OTUD7B: variants seen among roughly 807,000 people sequenced by gnomAD.
OTUD7B encodes the protein OTU domain-containing protein 7B.
In OTUD7B, 34 loss-of-function variants were observed where a neutral mutation model predicts 82.2. The ratio of observed to expected loss-of-function variants is 0.41; its 90% confidence interval spans 0.31 to 0.55. OTUD7B has a LOEUF of 0.55. Among genes scored for constraint, OTUD7B ranks in the 20% least tolerant of loss-of-function variants. OTUD7B has a pLI of 0.20. For missense variants in OTUD7B, 944 were observed against 1,062.1 expected (o/e 0.89, Z 1.55); for synonymous variants, 398 against 402.7 (o/e 0.99, Z 0.14).
At chr1:150,006,329 C>T (rs587671035) in intron 1 of OTUD7B, among the ~76,000 whole-genome samples, 64 of 152,084 alleles carry the variant, frequency 4.2e-4, no homozygotes, top group African/African-American at 1.1e-3. Flanking sequence ...TGGTGGTGGG[C>T]GCCTGTAGTC....
chr1:149,965,298 G>A (rs1424288485), intron 5 of OTUD7B, among the ~76,000 whole-genome samples: 5 of 152,066 alleles, frequency 3.3e-5, no homozygotes, highest in Non-Finnish European at 7.4e-5. Flanking sequence ...ACCCAGGGGT[G>A]GAGGTCACAG....
chr1:149,962,603 G>C (rs1649235204), intron 6 of OTUD7B: 1 of 152,110 alleles, frequency 6.6e-6, no homozygotes, highest in African/African-American at 2.4e-5. Context: ...ATAGAACGTG[G>C]GTATTTCTGG....
intron 1 of OTUD7B, among the ~76,000 whole-genome samples, chr1:150,003,598 T>C (rs1385685331): frequency 1.3e-5 from 2 of 152,174 alleles, no homozygotes; most frequent in African/African-American, 2.4e-5. Context: ...ATTCTATCTA[T>C]ATATTTACAT....
At chr1:150,004,374 A>G (rs1652513611) in intron 1 of OTUD7B, among the ~76,000 whole-genome samples, 1 of 152,100 alleles carries the variant, frequency 6.6e-6, no homozygotes, top group Non-Finnish European at 1.5e-5. Flanking sequence ...AGCCTGGCCA[A>G]CATGGTGAAA....
At chr1:150,053,328 T>G in the OTUD7B span, among the ~76,000 whole-genome samples, 1 of 152,116 alleles carries the variant, frequency 6.6e-6, no homozygotes, top group Non-Finnish European at 1.5e-5. Flanking sequence ...TTAAACGAAT[T>G]TACAAGAGAA....
At chr1:149,981,730 G>A (rs1464569714) in intron 1 of OTUD7B, among the ~76,000 whole-genome samples, 1 of 152,278 alleles carries the variant, frequency 6.6e-6, no homozygotes, top group East Asian at 1.9e-4. Context: ...AATAAATTAT[G>A]TTGTTCAAAA....
At chr1:150,022,396 CAAAAA>C in the OTUD7B span, among the ~76,000 whole-genome samples, 26 of 6,084 alleles carry the variant, frequency 4.3e-3, 8 homozygotes, top group South Asian at 0.051. Context: ...AAACTCTCTA[CAAAAA>C]AAAAAAAAAA....
At position 149,965,950 on chromosome 1, in the gene OTUD7B, G is replaced by A; in HGVS notation, c.503-72C>T. 2.3e-6 allele frequency: 3 copies of A among 1,289,690 alleles called. No homozygotes were observed. In the South Asian group the frequency reaches 3.7e-5, roughly 16 times the overall value. 79.9% of individuals were successfully genotyped at this position (1,289,690 alleles called of 1,614,324 possible). On this transcript the variant is annotated intron_variant, in intron 4 of 11. Coordinates refer to ENST00000581312, the MANE Select transcript of OTUD7B (RefSeq NM_020205.4). ...CTTCCACCTTCCTATTTCTGAAACA[G>A]ACTCCAAAGCAGCCTCCTCTAGGAG...
At chr1:150,034,342 A>T in the OTUD7B span, among the ~76,000 whole-genome samples, 35 of 152,348 alleles carry the variant, frequency 2.3e-4, no homozygotes, top group African/African-American at 7.0e-4. Flanking sequence ...ACACATGTCC[A>T]TTGCTGCCTA....
the OTUD7B span, among the ~76,000 whole-genome samples, chr1:150,018,241 G>GA: frequency 6.6e-6 from 1 of 152,138 alleles, no homozygotes; most frequent in Non-Finnish European, 1.5e-5. Context: ...GCACCCAAGG[G>GA]AAAAATATAA....
Position 149,940,649 on chromosome 1 carries a change from C to G in OTUD7B, c.*3208G>C, listed in dbSNP as rs2092755102. The G allele has an allele frequency of 6.6e-6, 1 of 152,180 alleles. No individual in the cohort carries two copies. Among genetic ancestry groups the G allele is most frequent in the African/African-American group, 2.4e-5 (1 of 41,444 alleles). The allele number at this position is 152,180 out of a possible 1,614,324, so 9.4% of individuals were successfully genotyped here. A position where few individuals can be genotyped will look rare whatever the true frequency, so the allele number is the denominator to read the frequency against. ...AAGCCTGAGAGATGATATCATCCCT[C>G]ACTTGGGGTTAAAGGGTCTACCTTC... On this transcript the variant is annotated 3_prime_UTR_variant, in exon 12 of 12. Coordinates refer to ENST00000581312, the MANE Select transcript of OTUD7B (RefSeq NM_020205.4).
At chr1:149,981,201 T>C (rs782670461) in intron 1 of OTUD7B, among the ~76,000 whole-genome samples, 5 of 152,150 alleles carry the variant, frequency 3.3e-5, no homozygotes, top group Non-Finnish European at 5.9e-5. Flanking sequence ...GTTAACTGAA[T>C]GGTGTAAAGA....
chr1:149,943,030 G>C lies in OTUD7B; in HGVS notation c.*827C>G, dbSNP rs1169040239. On this transcript the variant is annotated 3_prime_UTR_variant, in exon 12 of 12. Coordinates refer to ENST00000581312, the MANE Select transcript of OTUD7B (RefSeq NM_020205.4). Reference sequence around the variant, plus strand: ...ATTGCTGTGGTTAAAAAATAGATCAGCTCTGCCCCAATTCACCTGGAGAAA... The same window carrying C: ...ATTGCTGTGGTTAAAAAATAGATCACCTCTGCCCCAATTCACCTGGAGAAA... 1.3e-5 allele frequency: 2 copies of C among 152,420 alleles called. No individual in the cohort carries two copies. The highest frequency in any genetic ancestry group is 3.9e-4 in the East Asian group (2 of 5,178). 9.4% of individuals were successfully genotyped at this position (152,420 alleles called of 1,614,324 possible).
chr1:149,987,110 T>C (rs1382386791), intron 1 of OTUD7B, among the ~76,000 whole-genome samples: 1 of 152,030 alleles, frequency 6.6e-6, no homozygotes, highest in Non-Finnish European at 1.5e-5. Flanking sequence ...GAACTTGGTA[T>C]TGTTACTCCA....
At chr1:150,010,250 G>A (rs1327809086) in intron 1 of OTUD7B, among the ~76,000 whole-genome samples, 198 bp downstream of exon 1, 1 of 152,234 alleles carries the variant, frequency 6.6e-6, no homozygotes, top group South Asian at 2.1e-4. Context: ...GCAGGTGAAA[G>A]GGAGGAGGAA....
chr1:149,969,711 T>TA (rs1156585011), intron 3 of OTUD7B, among the ~76,000 whole-genome samples: 1 of 151,526 alleles, frequency 6.6e-6, no homozygotes, highest in Non-Finnish European at 1.5e-5. Flanking sequence ...AAATTATATA[T>TA]TTTTTTATAT....
rs1648022530 is a variant in OTUD7B at position 149,949,500 on chromosome 1, G to A, written c.1123+129C>T. On this transcript the variant is annotated intron_variant, in intron 9 of 11. Transcript: ENST00000581312. ...TTTGAAAACTCTGGCGTAACTTCTG[G>A]CTTAATAAAACAGTATCAACATGTG... 14 of 982,764 alleles carry A rather than the reference G, an allele frequency of 1.4e-5. No homozygotes were observed. In the South Asian group the frequency reaches 2.1e-4, roughly 15 times the overall value. The allele number at this position is 982,764 out of a possible 1,614,324, so 60.9% of individuals were successfully genotyped here.
the OTUD7B span, among the ~76,000 whole-genome samples, chr1:150,045,592 A>G: frequency 6.6e-6 from 1 of 152,222 alleles, no homozygotes; most frequent in African/African-American, 2.4e-5. Context: ...TTCTAGACAG[A>G]ACTCTGCTAG....
At chr1:150,013,374 T>C (rs868966241), upstream of OTUD7B, among the ~76,000 whole-genome samples, 1 of 152,150 alleles carries the variant, frequency 6.6e-6, no homozygotes, top group African/African-American at 2.4e-5. Flanking sequence ...CTGGGGCTAA[T>C]GGCTAGAGTT....
Sources: gnomAD v4.1 joint callset for allele counts (sites outside exome capture counted in the v4.1 genomes callset) on GRCh38, gnomAD v4.1.1 for gene constraint, MANE v1.5 for transcripts, NCBI Gene and HGNC (gene_info 2026-07-23, HGNC 2026-07-21) for gene names.